Variants in NGLY1 observed in about 807,000 individuals in gnomAD.
NGLY1 encodes N-glycanase 1.
Under a neutral mutation model 84.6 loss-of-function variants are expected in NGLY1, and 68 were observed. The observed-to-expected ratio is 0.80, with a 90% CI of 0.66 to 0.98. The LOEUF is 0.98. Among genes scored for constraint, NGLY1 ranks in the 50% least tolerant of loss-of-function variants. NGLY1 has a pLI of 0.00. For synonymous variants in NGLY1, 280 were observed against 275.2 expected, an observed-to-expected ratio of 1.02 and a Z score of -0.17; for missense variants, 779 against 770.2, an observed-to-expected ratio of 1.01 and a Z score of -0.14.
chr3:25,748,055 G>C (rs139234024), intron 4 of NGLY1, among the ~76,000 whole-genome samples: 2 of 151,980 alleles, frequency 1.3e-5, no homozygotes, highest in East Asian at 3.9e-4. Context: ...GCCTCTCCAG[G>C]GAAAAAGATT....
intron 2 of NGLY1, among the ~76,000 whole-genome samples, chr3:25,769,023 G>A (rs1707765036): frequency 6.6e-6 from 1 of 151,904 alleles, no homozygotes; most frequent in South Asian, 2.1e-4. Context: ...ACTATAAAAG[G>A]AACTGAAACA....
At chr3:25,764,366 T>C in intron 2 of NGLY1, 55 bp from the exon 3 acceptor site, 1 of 1,551,872 alleles carries the variant, frequency 6.4e-7, no homozygotes, top group Non-Finnish European at 8.8e-7. Flanking sequence ...CAGTCATTCT[T>C]TTGTGCACAC....
chr3:25,776,273 T>C (rs1444105301), intron 2 of NGLY1, among the ~76,000 whole-genome samples: 2 of 152,170 alleles, frequency 1.3e-5, no homozygotes, highest in Non-Finnish European at 2.9e-5. Context: ...CTGAGCAAAC[T>C]GGAATGGCTG....
At chr3:25,749,893 G>A in intron 4 of NGLY1, 8 of 803,762 alleles carry the variant, frequency 1.0e-5, no homozygotes, top group Middle Eastern at 3.7e-4. Context: ...AAGAAAATGA[G>A]TAGACAGCTC....
At chr3:25,732,267 G>A in intron 9 of NGLY1, 52 bp downstream of exon 9, 1 of 1,550,326 alleles carries the variant, frequency 6.5e-7, no homozygotes, top group Non-Finnish European at 8.9e-7. Flanking sequence ...GAAGAGCATA[G>A]TATATGAAGC....
At chr3:25,739,426 C>T in intron 5 of NGLY1, 151 bp downstream of exon 5, 1 of 693,162 alleles carries the variant, frequency 1.4e-6, no homozygotes, top group South Asian at 2.0e-5. Flanking sequence ...AGGATGTCGG[C>T]TGGATTTAGC....
chr3:25,743,202 G>A (rs192430040), intron 4 of NGLY1, among the ~76,000 whole-genome samples: 4 of 152,268 alleles, frequency 2.6e-5, no homozygotes, highest in East Asian at 1.9e-4. Context: ...TCGATTTCCC[G>A]CTGTGATAAT....
intron 2 of NGLY1, among the ~76,000 whole-genome samples, chr3:25,775,280 T>C (rs1003092966): frequency 6.6e-6 from 1 of 152,342 alleles, no homozygotes; most frequent in Admixed American, 6.5e-5. Flanking sequence ...TGCAAGTTAG[T>C]CCTGTCTCCT....
chr3:25,789,985 G>A (rs1044678436), exon 1 of NGLY1: 5 of 1,266,756 alleles, frequency 3.9e-6, no homozygotes, highest in African/African-American at 1.5e-5. Flanking sequence ...AAGGTGACGC[G>A]GCTTAAAGTC....
intron 2 of NGLY1, among the ~76,000 whole-genome samples, chr3:25,769,751 AT>A (rs1407392019): frequency 1.4e-4 from 22 of 152,292 alleles, no homozygotes; most frequent in East Asian, 1.2e-3. Context: ...TTTAAAAAAA[AT>A]TCTTATGCTT....
At chr3:25,767,066 G>A (rs1707616982) in intron 2 of NGLY1, among the ~76,000 whole-genome samples, 1 of 152,124 alleles carries the variant, frequency 6.6e-6, no homozygotes, top group Admixed American at 6.5e-5. Context: ...GACCGAGGCG[G>A]GCAAATCACA....
intron 2 of NGLY1, among the ~76,000 whole-genome samples, chr3:25,775,055 G>A (rs991532069): frequency 3.9e-5 from 6 of 152,206 alleles, no homozygotes; most frequent in African/African-American, 1.4e-4. Flanking sequence ...CTTCTCCCGT[G>A]ATCTGGATTT....
rs915008062 is a variant in NGLY1 at position 25,764,105 on chromosome 3, G to A, written c.453C>T (p.Asn151=). 1.9e-6 allele frequency: 3 copies of A among 1,614,194 alleles called. No homozygotes were observed. The highest frequency in any genetic ancestry group is 1.7e-5 in the Admixed American group (1 of 60,032). The change falls in exon 3 of 12, where the codon AAC becomes AAT. Residue 151 remains asparagine, a synonymous_variant. Coordinates refer to ENST00000280700, the MANE Select transcript of NGLY1 (RefSeq NM_018297.4). ...GTGGATCTGATGACTGCCCTTGACG[G>A]TTCCTTGTGTGCTGGTTTAACCCAC... is the stretch of plus-strand genomic sequence containing the variant. ...NPSGLNQHTR[N]RQGQSSDPPS...
Position 25,736,351 on chromosome 3 carries a change from T to C in NGLY1, c.1004-202A>G, listed in dbSNP as rs573388974. ...TCTTTGAAATCCTTAAAAATGTTTT[T>C]CCAATCTCCTTTAACGTGGTCAGTT... On this transcript the variant is annotated intron_variant, in intron 6 of 11. Transcript: ENST00000280700. 16 of 1,551,512 alleles carry C rather than the reference T, an allele frequency of 1.0e-5. No homozygotes were observed. In the East Asian group the frequency reaches 3.7e-4, roughly 36 times the overall value.
At chr3:25,746,646 G>A (rs1354693744) in intron 4 of NGLY1, among the ~76,000 whole-genome samples, 4 of 152,160 alleles carry the variant, frequency 2.6e-5, no homozygotes, top group Admixed American at 2.6e-4. Flanking sequence ...GAGGACAGAT[G>A]GACAAATGCA....
chr3:25,783,073 A>G lies in NGLY1; in HGVS notation c.131+187T>C, dbSNP rs1357748853. The G allele has an allele frequency of 1.1e-5, 6 of 556,896 alleles. No homozygotes were observed. The highest frequency in any genetic ancestry group is 1.9e-5 in the Non-Finnish European group (6 of 313,392). The allele number at this position is 556,896 out of a possible 1,614,324, so 34.5% of individuals were successfully genotyped here. On this transcript the variant is annotated intron_variant, in intron 1 of 11. Coordinates refer to ENST00000280700, the MANE Select transcript of NGLY1 (RefSeq NM_018297.4). This position sits in a 1 kb window ranked among gnomAD's most constrained non-coding sequence, Gnocchi z 4.5. Reference sequence around the variant, plus strand: ...CTTCCTTTTCTCGAGCGGGGGTGGGACTTGGCCGGGTCCCGAGGCCCCTGG... The same window carrying G: ...CTTCCTTTTCTCGAGCGGGGGTGGGGCTTGGCCGGGTCCCGAGGCCCCTGG...
chr3:25,723,583 A>AT (rs34091949), intron 10 of NGLY1, among the ~76,000 whole-genome samples: 111,168 of 151,586 alleles, frequency 0.73, 42,874 homozygotes, highest in East Asian at 0.94. Flanking sequence ...CTCTGATCCC[A>AT]CTATGTATAA....
At chr3:25,744,116 T>C (rs1306955038) in intron 4 of NGLY1, among the ~76,000 whole-genome samples, 1 of 152,226 alleles carries the variant, frequency 6.6e-6, no homozygotes, top group East Asian at 1.9e-4. Context: ...TCAACAAGTT[T>C]AGACCTAACT....
chr3:25,745,393 G>A (rs11129206), intron 4 of NGLY1, among the ~76,000 whole-genome samples: 110,920 of 152,090 alleles, frequency 0.73, 42,653 homozygotes, highest in East Asian at 0.94. Flanking sequence ...CTATCATCCT[G>A]AAGTGTATTT....
Sources: allele counts gnomAD v4.1 joint callset (sites outside exome capture counted in the v4.1 genomes callset), GRCh38; gene constraint gnomAD v4.1.1; non-coding constraint Gnocchi (gnomAD v3.1); transcripts MANE v1.5; gene names NCBI Gene and HGNC (gene_info 2026-07-23, HGNC 2026-07-21).